The following KCNH7 variants were observed in gnomAD, a reference collection of about 807,000 sequenced individuals.
KCNH7 encodes the protein voltage-gated inwardly rectifying potassium channel KCNH7.
KCNH7 carries 49 observed loss-of-function variants against 120.8 expected under a neutral mutation model. The ratio of observed to expected loss-of-function variants is 0.41; its 90% CI spans 0.32 to 0.51. The LOEUF (loss-of-function observed/expected upper bound fraction) is 0.51. KCNH7 is among the 20% of genes least tolerant of loss of function. The pLI, the probability that KCNH7 is intolerant of heterozygous loss-of-function variation, is 0.38. For synonymous variants in KCNH7, 547 were observed against 516.1 expected (o/e 1.06, Z -0.81); for missense variants, 1,097 against 1,446.6 (o/e 0.76, Z 3.92).
chr2:162,594,528 A>G (rs913787743), intron 2 of KCNH7, among the ~76,000 whole-genome samples: 10 of 152,012 alleles, frequency 6.6e-5, no homozygotes, highest in Non-Finnish European at 1.0e-4. Context: ...ATAGGCCAAT[A>G]TCTCTGATGA....
chr2:162,472,855 A>G (rs1689599418), intron 6 of KCNH7, among the ~76,000 whole-genome samples: 2 of 152,222 alleles, frequency 1.3e-5, no homozygotes. Flanking sequence ...TCCATCAGTG[A>G]TAGACTGGAT....
chr2:162,719,452 G>A (rs1318497330), intron 2 of KCNH7, among the ~76,000 whole-genome samples: 1 of 151,892 alleles, frequency 6.6e-6, no homozygotes, highest in Admixed American at 6.6e-5. Flanking sequence ...CTAACAATGG[G>A]TAACTATGAG....
At chr2:162,658,928 A>G (rs1684861419) in intron 2 of KCNH7, among the ~76,000 whole-genome samples, 1 of 151,992 alleles carries the variant, frequency 6.6e-6, no homozygotes, top group Non-Finnish European at 1.5e-5. Flanking sequence ...AGAGAGTTTT[A>G]TTTCTTCCTT....
chr2:162,493,556 A>G (rs1690397179), intron 6 of KCNH7, among the ~76,000 whole-genome samples: 1 of 152,188 alleles, frequency 6.6e-6, no homozygotes, highest in Admixed American at 6.5e-5. Flanking sequence ...GAACTGCTCA[A>G]CTTGCCTGCT....
intron 2 of KCNH7, among the ~76,000 whole-genome samples, chr2:162,814,063 G>A (rs949670935): frequency 5.3e-5 from 8 of 152,158 alleles, no homozygotes; most frequent in Admixed American, 1.3e-4. Context: ...CTGATGCCAA[G>A]CGACCTTGGG....
At chr2:162,416,559 T>G (rs1687547363) in intron 9 of KCNH7, among the ~76,000 whole-genome samples, 1 of 152,098 alleles carries the variant, frequency 6.6e-6, no homozygotes, top group African/African-American at 2.4e-5. Context: ...TTCGCCTTTG[T>G]GGAGAGTGAG....
chr2:162,765,467 A>T (rs1418819302), intron 2 of KCNH7, among the ~76,000 whole-genome samples: 1 of 152,124 alleles, frequency 6.6e-6, no homozygotes, highest in Non-Finnish European at 1.5e-5. Context: ...TGGGGCTTCT[A>T]ATATAGGTAG....
chr2:162,651,240 A>C (rs1295429993), intron 2 of KCNH7, among the ~76,000 whole-genome samples: 1 of 152,220 alleles, frequency 6.6e-6, no homozygotes, highest in African/African-American at 2.4e-5. Context: ...TAGGTTCAGC[A>C]GTACATGTGA....
chr2:162,587,691 T>C (rs1330722306), intron 2 of KCNH7, among the ~76,000 whole-genome samples: 1 of 152,062 alleles, frequency 6.6e-6, no homozygotes, highest in African/African-American at 2.4e-5. Context: ...GACACTAGTG[T>C]GTGCAATGGT....
intron 7 of KCNH7, among the ~76,000 whole-genome samples, chr2:162,439,951 C>A (rs1453777775): frequency 6.6e-6 from 1 of 151,706 alleles, no homozygotes. Context: ...AGGCAAGATT[C>A]TCTCTTCATG....
At chr2:162,832,977 C>T (rs953324334) in intron 2 of KCNH7, among the ~76,000 whole-genome samples, 6 of 152,022 alleles carry the variant, frequency 3.9e-5, no homozygotes, top group African/African-American at 1.4e-4. Context: ...TAGCACCATA[C>T]ATTTCTGATC....
intron 2 of KCNH7, among the ~76,000 whole-genome samples, chr2:162,607,052 A>C (rs1233272162): frequency 6.6e-6 from 1 of 152,010 alleles, no homozygotes; most frequent in Non-Finnish European, 1.5e-5. Flanking sequence ...ATATATTATA[A>C]CACTAATTTT....
At chr2:162,612,588 A>G (rs180986874) in intron 2 of KCNH7, among the ~76,000 whole-genome samples, 124 of 152,268 alleles carry the variant, frequency 8.1e-4, no homozygotes, top group Non-Finnish European at 1.4e-3. Flanking sequence ...GACACATCTT[A>G]GGATTTCCAG....
chr2:162,784,805 G>A (rs567221670), intron 2 of KCNH7: 15 of 152,256 alleles, frequency 9.9e-5, no homozygotes, highest in African/African-American at 3.6e-4. Flanking sequence ...GATCTTAGAA[G>A]GTAGCACTAC....
chr2:162,711,113 G>A (rs1686914299), intron 2 of KCNH7, among the ~76,000 whole-genome samples: 1 of 152,198 alleles, frequency 6.6e-6, no homozygotes, highest in Non-Finnish European at 1.5e-5. Context: ...TCTTTGAAAC[G>A]ATATGTGAAA....
At chr2:162,538,987 A>G (rs1692206748) in intron 2 of KCNH7, among the ~76,000 whole-genome samples, 1 of 152,092 alleles carries the variant, frequency 6.6e-6, no homozygotes, top group Non-Finnish European at 1.5e-5. Flanking sequence ...AAATGTGGCA[A>G]TGGTTTTACA....
chr2:162,444,558 G>A (rs1262146737), intron 7 of KCNH7, among the ~76,000 whole-genome samples: 1 of 152,010 alleles, frequency 6.6e-6, no homozygotes, highest in Non-Finnish European at 1.5e-5. Flanking sequence ...AGAATTTTTA[G>A]TGCATTTTAA....
At chr2:162,626,787 G>A (rs1349648555) in intron 2 of KCNH7, among the ~76,000 whole-genome samples, 1 of 152,114 alleles carries the variant, frequency 6.6e-6, no homozygotes, top group East Asian at 1.9e-4. Context: ...ACCACAAGGT[G>A]TATACATTAA....
intron 2 of KCNH7, among the ~76,000 whole-genome samples, chr2:162,824,323 C>T (rs888680071): frequency 6.6e-6 from 1 of 152,126 alleles, no homozygotes; most frequent in African/African-American, 2.4e-5. Flanking sequence ...TGCAAAGAAA[C>T]AAGTTCTGCA....
Sources: allele counts gnomAD v4.1 joint callset (sites outside exome capture counted in the v4.1 genomes callset), GRCh38; gene constraint gnomAD v4.1.1; transcripts MANE v1.5; gene names NCBI Gene and HGNC (gene_info 2026-07-23, HGNC 2026-07-21).